GORASP1: variants seen among roughly 807,000 people sequenced by gnomAD.
The protein encoded by GORASP1 is golgi reassembly stacking protein 1.
A neutral mutation model predicts 37.7 loss-of-function variants in GORASP1; 31 were observed. That is an observed-to-expected ratio of 0.82 (90% CI 0.62 to 1.11). GORASP1 has a LOEUF of 1.11. Ranked by LOEUF, GORASP1 falls within the 50% of genes least tolerant of loss-of-function variation. GORASP1 has a pLI of 0.00. For synonymous variants in GORASP1, 204 were observed against 224.8 expected (o/e 0.91, Z 0.83); for missense variants, 476 against 560.7 (o/e 0.85, Z 1.53).
At position 39,100,348 on chromosome 3, in the gene GORASP1, G is replaced by C. The variant is rs754236212; in HGVS notation, c.722C>G (p.Ser241Cys). 1 of 1,614,226 alleles carries C rather than the reference G, an allele frequency of 6.2e-7. No individual in the cohort carries two copies. Among genetic ancestry groups the C allele is most frequent in the Non-Finnish European group, 8.5e-7 (1 of 1,180,032 alleles). ...ALPPGPTPED[S>C]PSLETGSRQS... ...CCTGGAACCTGTCTCCAGGGAAGGA[G>C]AGTCCTCGGGGGTGGGTCCAGGTGG... The change falls in exon 6 of 9, where the codon TCT becomes TGT. Residue 241 changes from serine (S) to cysteine (C), a missense_variant. Ser to Cys is a moderately radical substitution (Grantham distance 112, BLOSUM62 -1). Coordinates refer to ENST00000319283, the MANE Select transcript of GORASP1 (RefSeq NM_031899.4). The surrounding 1 kb of genome is among the most constrained non-coding windows in gnomAD (Gnocchi z 4.6).
At position 39,098,630 on chromosome 3, in the gene GORASP1, G is replaced by T; in HGVS notation, c.1069+111C>A. The T allele has an allele frequency of 6.6e-7, 1 of 1,505,704 alleles. No individual in the cohort carries two copies. The highest frequency in any genetic ancestry group is 9.0e-7 in the Non-Finnish European group (1 of 1,111,998). The allele number at this position is 1,505,704 out of a possible 1,614,324, so 93.3% of individuals were successfully genotyped here. ...AGATGGAGTGTACAAATGCCTTGGT[G>T]TGGCTGTATCAACCCGATGGCCCAC... On this transcript the variant is annotated intron_variant, in intron 8 of 8. Transcript: ENST00000319283. The surrounding 1 kb of genome is among the most constrained non-coding windows in gnomAD (Gnocchi z 4.7).
intron 1 of GORASP1, among the ~76,000 whole-genome samples, chr3:39,106,070 C>A (rs936476780): frequency 1.3e-5 from 2 of 152,196 alleles, no homozygotes; most frequent in African/African-American, 4.8e-5. Flanking sequence ...CCTTAACCTG[C>A]TTTATTTTTA....
chr3:39,107,590 G>T lies in GORASP1; in HGVS notation c.-49C>A, dbSNP rs773702897. The T allele has an allele frequency of 1.1e-5, 16 of 1,456,754 alleles. No homozygotes were observed. In the African/African-American group the frequency reaches 1.9e-4, roughly 17 times the overall value. The allele number at this position is 1,456,754 out of a possible 1,614,324, so 90.2% of individuals were successfully genotyped here. Reference sequence around the variant, plus strand: ...AGGTCCAGTCCCGCTGCGCCTACCCGGACCGACCCGACGCCAGTAGCACCG... The same window carrying T: ...AGGTCCAGTCCCGCTGCGCCTACCCTGACCGACCCGACGCCAGTAGCACCG... On this transcript the variant is annotated 5_prime_UTR_variant, in exon 1 of 9. Transcript: ENST00000319283.
rs567376742 is a variant in GORASP1, at chr3:39,102,484, G to A, written c.348+194C>T. ...TGGCTAACAGGAAGCAAGATACACT[G>A]TTCAGGTAGTAATGAGCTGCCCTCT... is the stretch of plus-strand genomic sequence containing the variant. On this transcript the variant is annotated intron_variant, in intron 3 of 8. Transcript: ENST00000319283. This position sits in a 1 kb window ranked among gnomAD's most constrained non-coding sequence, Gnocchi z 5.0. 2.6e-4 allele frequency: 164 copies of A among 626,294 alleles called. No individual in the cohort carries two copies. In the East Asian group the frequency reaches 4.3e-3, roughly 17 times the overall value. 38.8% of individuals were successfully genotyped at this position (626,294 alleles called of 1,614,324 possible).
rs1011632690 is a variant in GORASP1, at chr3:39,102,503, GC to G, written c.348+174del. ...TACACTGTTCAGGTAGTAATGAGCT[GC>G]CCTCTCTGGGACACTGGAATGAGAC... On this transcript the variant is annotated intron_variant, in intron 3 of 8. Transcript: ENST00000319283. The surrounding 1 kb of genome is among the most constrained non-coding windows in gnomAD (Gnocchi z 5.0). 4.3e-5 allele frequency: 28 copies of G among 656,236 alleles called. 1 individual carries two copies. The Admixed American group carries it at 5.9e-4, about 14-fold the overall frequency. The allele number at this position is 656,236 out of a possible 1,614,324, so 40.7% of individuals were successfully genotyped here.
In GORASP1 at chr3:39,100,236, G is replaced by A. The variant is rs1245512820; in HGVS notation, c.765+69C>T. The A allele has an allele frequency of 7.2e-7, 1 of 1,382,018 alleles. No homozygotes were observed. The highest frequency in any genetic ancestry group is 1.0e-6 in the Non-Finnish European group (1 of 971,674). The allele number at this position is 1,382,018 out of a possible 1,614,324, so 85.6% of individuals were successfully genotyped here. Reference sequence around the variant, plus strand: ...ATCACAAAGGCCCCTGGTGAGGGTTGCTGATGGCTCCCCAAGGGCAGCCTC... The same window carrying A: ...ATCACAAAGGCCCCTGGTGAGGGTTACTGATGGCTCCCCAAGGGCAGCCTC... On this transcript the variant is annotated intron_variant, in intron 6 of 8. Transcript: ENST00000319283. The surrounding 1 kb of genome is among the most constrained non-coding windows in gnomAD (Gnocchi z 4.6).
Position 39,102,759 on chromosome 3 carries a change from C to A in GORASP1, c.267G>T (p.Met89Ile), listed in dbSNP as rs945711744. ...VREVEVVPSN[M>I]WGGQGLLGAS... is the part of the protein sequence containing the mutation. ...CACCCAGTAGGCCCTGGCCGCCCCA[C>A]ATGTTGCTGGGCACCACCTCCACCT... The change falls in exon 3 of 9, where the codon ATG (methionine) becomes ATT (isoleucine). Residue 89 changes from methionine (M) to isoleucine (I), a missense_variant. By Grantham distance (10) the Met-to-Ile change is conservative. Coordinates refer to ENST00000319283, the MANE Select transcript of GORASP1 (RefSeq NM_031899.4). The surrounding 1 kb of genome is among the most constrained non-coding windows in gnomAD (Gnocchi z 5.0). 2.5e-6 allele frequency: 4 copies of A among 1,614,140 alleles called. No individual in the cohort carries two copies. Among genetic ancestry groups the A allele is most frequent in the Non-Finnish European group, 3.4e-6 (4 of 1,180,058 alleles).
Position 39,103,730 on chromosome 3 carries a change from C to T in GORASP1, c.64-177G>A. 1 of 493,490 alleles carries T rather than the reference C, an allele frequency of 2.0e-6. No homozygotes were observed. Among genetic ancestry groups the T allele is most frequent in the Non-Finnish European group, 3.6e-6 (1 of 280,212 alleles). The allele number at this position is 493,490 out of a possible 1,614,324, so 30.6% of individuals were successfully genotyped here. The stretch of plus-strand genomic sequence containing the variant: ...CATGGCCTCTTGCTACCTTCCTGGG[C>T]ACAAATTTTCCTCTTAGGAAAATGG... On this transcript the variant is annotated intron_variant, in intron 1 of 8. Coordinates refer to ENST00000319283, the MANE Select transcript of GORASP1 (RefSeq NM_031899.4). The surrounding 1 kb of genome is among the most constrained non-coding windows in gnomAD (Gnocchi z 5.2).
intron 3 of GORASP1, among the ~76,000 whole-genome samples, chr3:39,101,920 G>C (rs1311884961): frequency 6.6e-6 from 1 of 152,218 alleles, no homozygotes; most frequent in Non-Finnish European, 1.5e-5. Context: ...TCTGTGGACA[G>C]ACTAACATCT....
rs374205468 is a variant in GORASP1, at chr3:39,105,810, TCTC to T, written c.63+1666_63+1668del. Among the ~76,000 whole-genome samples the T allele has an allele frequency of 1.3e-5, 2 of 151,896 alleles. No homozygotes were observed. The highest frequency in any genetic ancestry group is 1.9e-4 in the East Asian group (1 of 5,186). ...CAAGGTCCTACACGGTCTGCTCTGG[TCTC>T]CTCCTCACACTGGCCACACCATCCA... On this transcript the variant is annotated intron_variant, in intron 1 of 8. Coordinates refer to ENST00000319283, the MANE Select transcript of GORASP1 (RefSeq NM_031899.4). The surrounding 1 kb of genome is among the most constrained non-coding windows in gnomAD (Gnocchi z 5.4).
Position 39,106,000 on chromosome 3 carries a change from G to C in GORASP1, c.63+1479C>G, listed in dbSNP as rs1379272169. On this transcript the variant is annotated intron_variant, in intron 1 of 8. Transcript: ENST00000319283. The surrounding 1 kb of genome is among the most constrained non-coding windows in gnomAD (Gnocchi z 5.4). Reference sequence around the variant, plus strand: ...AGAAGCATCTGTTCGAATGTGACTTGAGAAGAGGCCCTTCCTGACCACTCT... The same window carrying C: ...AGAAGCATCTGTTCGAATGTGACTTCAGAAGAGGCCCTTCCTGACCACTCT... Among the ~76,000 whole-genome samples, 2 of 152,184 alleles carry C rather than the reference G, an allele frequency of 1.3e-5. No homozygotes were observed. The highest frequency in any genetic ancestry group is 4.8e-5 in the African/African-American group (2 of 41,442).
In GORASP1 at chr3:39,102,961, G is replaced by A; in HGVS notation, c.145-80C>T. The A allele has an allele frequency of 7.5e-7, 1 of 1,337,406 alleles. No homozygotes were observed. The highest frequency in any genetic ancestry group is 1.8e-4 in the Middle Eastern group (1 of 5,544). The allele number at this position is 1,337,406 out of a possible 1,614,324, so 82.8% of individuals were successfully genotyped here. On this transcript the variant is annotated intron_variant, in intron 2 of 8. Transcript: ENST00000319283. The surrounding 1 kb of genome is among the most constrained non-coding windows in gnomAD (Gnocchi z 5.0). ...TCAGACAAGTCTGGGCCTGAGATGG[G>A]GCAAGGGCCTTAGTGGGCAGCAGCC...
chr3:39,098,393 G>C lies in GORASP1; in HGVS notation c.1166C>G (p.Pro389Arg). The change falls in exon 9 of 9, where the codon CCT (proline) becomes CGT (arginine). Residue 389 changes from proline (P) to arginine (R), a missense_variant. Physicochemically the swap from Pro to Arg is moderately radical, Grantham distance 103. Transcript: ENST00000319283. The surrounding 1 kb of genome is among the most constrained non-coding windows in gnomAD (Gnocchi z 4.7). ...TGAGGCTGCAGAGGTGAGACTGTCAGGAAGAGTCAGCTGAGGCAGGTGGTC... is the reference window on the plus strand; with the variant it reads ...TGAGGCTGCAGAGGTGAGACTGTCACGAAGAGTCAGCTGAGGCAGGTGGTC... ...QADHLPQLTLPDSLTSAASPE... is the reference protein window; with the variant it reads ...QADHLPQLTLRDSLTSAASPE... The C allele has an allele frequency of 6.2e-7, 1 of 1,614,200 alleles. No individual in the cohort carries two copies. Among genetic ancestry groups the C allele is most frequent in the South Asian group, 1.1e-5 (1 of 91,080 alleles).
At position 39,098,198 on chromosome 3, in the gene GORASP1, A is replaced by G; in HGVS notation, c.*38T>C. ...GGCTGCCTGCCCACATCTGGGCCTC[A>G]TGAAATGTCATCATGGGCCTTGTCA... On this transcript the variant is annotated 3_prime_UTR_variant, in exon 9 of 9. Transcript: ENST00000319283. This position sits in a 1 kb window ranked among gnomAD's most constrained non-coding sequence, Gnocchi z 4.7. The G allele has an allele frequency of 6.2e-7, 1 of 1,601,392 alleles. No homozygotes were observed. Among genetic ancestry groups the G allele is most frequent in the East Asian group, 2.2e-5 (1 of 44,706 alleles).
At chr3:39,099,246 A>G (rs758533901) in intron 7 of GORASP1, 107 bp downstream of exon 7, 2 of 1,199,958 alleles carry the variant, frequency 1.7e-6, no homozygotes, top group Non-Finnish European at 2.5e-6. Flanking sequence ...ATATCTTGGT[A>G]TACATGAGAT....
chr3:39,103,121 C>CA lies in GORASP1; in HGVS notation c.145-241dup. The CA allele has an allele frequency of 3.3e-6, 2 of 603,196 alleles. No homozygotes were observed. The highest frequency in any genetic ancestry group is 2.9e-6 in the Non-Finnish European group (1 of 339,504). 37.4% of individuals were successfully genotyped at this position (603,196 alleles called of 1,614,324 possible). A position where few individuals can be genotyped will look rare whatever the true frequency, so the allele number is the denominator to read the frequency against. On this transcript the variant is annotated intron_variant, in intron 2 of 8. Coordinates refer to ENST00000319283, the MANE Select transcript of GORASP1 (RefSeq NM_031899.4). This position sits in a 1 kb window ranked among gnomAD's most constrained non-coding sequence, Gnocchi z 5.2. ...ACCTTCCTCAGCCTGCCAGAAAAAA[C>CA]AAAGCAAGCAAAAAGCCTCCCAGAT...
In GORASP1 at chr3:39,098,232, G is replaced by GATGTTATTCT. The variant is rs747178638; in HGVS notation, c.*3_*4insAGAATAACAT. The GATGTTATTCT allele has an allele frequency of 6.2e-7, 1 of 1,613,440 alleles. No homozygotes were observed. The highest frequency in any genetic ancestry group is 2.2e-5 in the East Asian group (1 of 44,874). ...CATCATGGGCCTTGTCACAGCCCAG[G>GATGTTATTCT]GTGTTATTCTGTGGTAGAGATCTGG... On this transcript the variant is annotated 3_prime_UTR_variant, in exon 9 of 9. Transcript: ENST00000319283. This position sits in a 1 kb window ranked among gnomAD's most constrained non-coding sequence, Gnocchi z 4.7.
In GORASP1 at chr3:39,103,914, G is replaced by T. The variant is rs1420320475; in HGVS notation, c.64-361C>A. Among the ~76,000 whole-genome samples, 2 of 152,222 alleles carry T rather than the reference G, an allele frequency of 1.3e-5. No homozygotes were observed. Among genetic ancestry groups the T allele is most frequent in the East Asian group, 3.9e-4 (2 of 5,192 alleles). ...TAGGGTTGGCCGGAAAGCCAAAAGG[G>T]TTTACCAGAAAGGTTTAGACTGGAC... is the stretch of plus-strand genomic sequence containing the variant. On this transcript the variant is annotated intron_variant, in intron 1 of 8. Transcript: ENST00000319283. The surrounding 1 kb of genome is among the most constrained non-coding windows in gnomAD (Gnocchi z 5.2).
Position 39,103,535 on chromosome 3 carries a change from C to T in GORASP1, c.82G>A (p.Ala28Thr), listed in dbSNP as rs145876239. The change falls in exon 2 of 9, where the codon GCC becomes ACC. Residue 28 changes from alanine to threonine, a missense_variant. Coordinates refer to ENST00000319283, the MANE Select transcript of GORASP1 (RefSeq NM_031899.4). The surrounding 1 kb of genome is among the most constrained non-coding windows in gnomAD (Gnocchi z 5.2). ...TAGGGCTCCAGGCCCGCCTGCTGGG[C>T]TGGGGAGTTCTCCTGCACCTATCCC... is the stretch of plus-strand genomic sequence containing the variant. ...HLHGVQENSP[A>T]QQAGLEPYFD... 1.4e-5 allele frequency: 22 copies of T among 1,613,178 alleles called. No individual in the cohort carries two copies. Among genetic ancestry groups the T allele is most frequent in the Non-Finnish European group, 1.6e-5 (19 of 1,179,824 alleles).
Sources: allele counts gnomAD v4.1 joint callset (sites outside exome capture counted in the v4.1 genomes callset), GRCh38; gene constraint gnomAD v4.1.1; non-coding constraint Gnocchi (gnomAD v3.1); transcripts MANE v1.5; gene names NCBI Gene and HGNC (gene_info 2026-07-23, HGNC 2026-07-21).